Variants in TTC12 observed in about 807,000 individuals in gnomAD.
TTC12 encodes the protein tetratricopeptide repeat domain 12.
Under a neutral mutation model 90.1 loss-of-function variants are expected in TTC12, and 70 were observed. That is an observed-to-expected ratio of 0.78 (90% CI 0.64 to 0.95). TTC12 has a LOEUF of 0.95. Ranked by LOEUF, TTC12 falls within the 40% of genes least tolerant of loss-of-function variation. The pLI, the probability that TTC12 is intolerant of heterozygous loss-of-function variation, is 0.00. For synonymous variants in TTC12, 296 were observed against 311.5 expected, an observed-to-expected ratio of 0.95 and a Z score of 0.53; for missense variants, 819 against 846.1, an observed-to-expected ratio of 0.97 and a Z score of 0.40.
At chr11:113,334,547 T>C (rs1555143425) in intron 7 of TTC12, among the ~76,000 whole-genome samples, 1 of 152,060 alleles carries the variant, frequency 6.6e-6, no homozygotes, top group African/African-American at 2.4e-5. Flanking sequence ...CCTGCACATT[T>C]ACCTCACCTA....
chr11:113,343,494 G>T (rs1374548744), intron 12 of TTC12, among the ~76,000 whole-genome samples: 1 of 152,168 alleles, frequency 6.6e-6, no homozygotes, highest in Non-Finnish European at 1.5e-5. Context: ...CTGTTACTCT[G>T]GCTCTTTCAG....
intron 7 of TTC12, among the ~76,000 whole-genome samples, chr11:113,332,138 T>C (rs1420717516): frequency 6.6e-6 from 1 of 152,262 alleles, no homozygotes; most frequent in Non-Finnish European, 1.5e-5. Flanking sequence ...GCAGCAAAGC[T>C]GGTTTCAATT....
Position 113,359,939 on chromosome 11 carries a change from G to T in TTC12, c.1546-1G>T. ...CTGCTGGCCTCTCCCCATTGTTGTA[G>T]GTTTGGGCTGTGGAGGTGAGCAGAA... On this transcript the variant is annotated splice_acceptor_variant, in intron 17 of 21. Coordinates refer to ENST00000529221, the MANE Select transcript of TTC12 (RefSeq NM_017868.4). LOFTEE classifies it high-confidence loss of function. 6.3e-7 allele frequency: 1 copy of T among 1,593,618 alleles called. No individual in the cohort carries two copies. The highest frequency in any genetic ancestry group is 8.5e-7 in the Non-Finnish European group (1 of 1,170,046).
intron 1 of TTC12, 93 bp from the exon 2 acceptor site, chr11:113,316,150 C>A: frequency 2.0e-6 from 1 of 500,108 alleles, no homozygotes; most frequent in South Asian, 9.1e-5. Context: ...TAAAAATAAT[C>A]ACTTGGCTCT....
rs1171692772 is a variant in TTC12 at position 113,366,206 on chromosome 11, T to G, written c.2043-19T>G. The G allele has an allele frequency of 2.5e-6, 4 of 1,611,668 alleles. No individual in the cohort carries two copies. In the African/African-American group the frequency reaches 4.0e-5, roughly 16 times the overall value. On this transcript the variant is annotated intron_variant, in intron 21 of 21. Coordinates refer to ENST00000529221, the MANE Select transcript of TTC12 (RefSeq NM_017868.4). ...ACCGTGGCACTTATGCCCTGGGTTG[T>G]TTGTTTTGATTGTGACAGATTTGCT...
At chr11:113,333,065 A>C (rs1555142986) in intron 7 of TTC12, among the ~76,000 whole-genome samples, 1 of 151,938 alleles carries the variant, frequency 6.6e-6, no homozygotes, top group Non-Finnish European at 1.5e-5. Context: ...TCAGCCCACC[A>C]TACCTCTTGT....
intron 16 of TTC12, among the ~76,000 whole-genome samples, chr11:113,357,805 G>C (rs1035031037): frequency 2.6e-5 from 4 of 152,140 alleles, no homozygotes; most frequent in Non-Finnish European, 5.9e-5. Flanking sequence ...ACACTTTACT[G>C]GGGGAGCCAA....
intron 7 of TTC12, 50 bp from the exon 8 acceptor site, chr11:113,334,916 A>C (rs1470507366): frequency 6.8e-7 from 1 of 1,470,584 alleles, no homozygotes; most frequent in African/African-American, 1.4e-5. Flanking sequence ...GGAGTGGCTA[A>C]TGACTTCACA....
chr11:113,358,181 T>C (rs1555153164), intron 16 of TTC12, among the ~76,000 whole-genome samples: 1 of 152,134 alleles, frequency 6.6e-6, no homozygotes, highest in African/African-American at 2.4e-5. Flanking sequence ...GGGCTAGCTG[T>C]GCCCATCAAG....
chr11:113,358,540 C>T (rs549818521), intron 16 of TTC12, among the ~76,000 whole-genome samples: 3 of 152,322 alleles, frequency 2.0e-5, no homozygotes, highest in Non-Finnish European at 4.4e-5. Flanking sequence ...TGGACTGGCC[C>T]TGTTTGATGG....
intron 16 of TTC12, among the ~76,000 whole-genome samples, chr11:113,357,440 T>C (rs1555152881): frequency 6.6e-6 from 1 of 152,218 alleles, no homozygotes; most frequent in Non-Finnish European, 1.5e-5. Flanking sequence ...ATTTCAGCCA[T>C]GTCAGCCTGG....
chr11:113,319,425 A>C (rs1947153576), intron 2 of TTC12, among the ~76,000 whole-genome samples: 1 of 152,222 alleles, frequency 6.6e-6, no homozygotes, highest in African/African-American at 2.4e-5. Flanking sequence ...CAATGAAATT[A>C]GAATAAAGTG....
At chr11:113,338,929 C>T (rs1948530285) in intron 9 of TTC12, 95 bp downstream of exon 9, 1 of 1,119,758 alleles carries the variant, frequency 8.9e-7, no homozygotes. Flanking sequence ...CCCTTGGCCA[C>T]TAGGCAGCGG....
chr11:113,350,519 G>A (rs1949216575), intron 14 of TTC12, among the ~76,000 whole-genome samples: 2 of 152,190 alleles, frequency 1.3e-5, no homozygotes, highest in Admixed American at 6.5e-5. Flanking sequence ...GAACCTGAGC[G>A]AGCCAGCGAG....
intron 7 of TTC12, 58 bp from the exon 8 acceptor site, chr11:113,334,908 A>G: frequency 7.4e-7 from 1 of 1,342,778 alleles, no homozygotes; most frequent in Non-Finnish European, 1.1e-6. Context: ...TAGTGAGGGG[A>G]GTGGCTAATG....
At chr11:113,361,066 G>A (rs1269295658) in intron 18 of TTC12, among the ~76,000 whole-genome samples, 1 of 152,198 alleles carries the variant, frequency 6.6e-6, no homozygotes, top group Non-Finnish European at 1.5e-5. Context: ...TGTGTGCCAC[G>A]TTGGGTGCTT....
intron 12 of TTC12, among the ~76,000 whole-genome samples, chr11:113,343,267 T>A (rs1948778370): frequency 6.6e-6 from 1 of 152,132 alleles, no homozygotes; most frequent in African/African-American, 2.4e-5. Flanking sequence ...CCGGAGGGGG[T>A]ATCAACTAAC....
downstream of TTC12, among the ~76,000 whole-genome samples, chr11:113,366,626 C>G (rs1179116140): frequency 6.6e-6 from 1 of 152,240 alleles, no homozygotes; most frequent in African/African-American, 2.4e-5. Flanking sequence ...AGTGGCCAAT[C>G]TAATGCCACT....
intron 21 of TTC12, among the ~76,000 whole-genome samples, chr11:113,372,343 G>C (rs78696376): frequency 6.6e-6 from 1 of 152,164 alleles, no homozygotes; most frequent in Non-Finnish European, 1.5e-5. Flanking sequence ...CACCTTCTAA[G>C]CCATCATGCA....
Sources: gnomAD v4.1 joint callset for allele counts (sites outside exome capture counted in the v4.1 genomes callset) on GRCh38, gnomAD v4.1.1 for gene constraint, MANE v1.5 for transcripts, NCBI Gene and HGNC (gene_info 2026-07-23, HGNC 2026-07-21) for gene names.